Variants in TDP1 observed in about 807,000 individuals in gnomAD.
TDP1 encodes tyr-DNA phosphodiesterase 1.
TDP1 carries 64 observed loss-of-function variants against 81.5 expected under a neutral mutation model. The observed-to-expected ratio is 0.79, with a 90% confidence interval of 0.64 to 0.97. The LOEUF is 0.97. Among genes scored for constraint, TDP1 ranks in the 50% least tolerant of loss-of-function variants. The pLI is 0.00. For missense variants in TDP1, 723 were observed against 743.8 expected (o/e 0.97, Z 0.33); for synonymous variants, 256 against 264.3 (o/e 0.97, Z 0.30).
At chr14:89,999,287 A>G (rs1395486171) in intron 14 of TDP1, among the ~76,000 whole-genome samples, 1 of 152,198 alleles carries the variant, frequency 6.6e-6, no homozygotes, top group Non-Finnish European at 1.5e-5. Context: ...TAAATTCGTT[A>G]TGAACAACTG....
intron 12 of TDP1, among the ~76,000 whole-genome samples, chr14:89,990,182 G>A (rs971292473): frequency 3.3e-5 from 5 of 152,082 alleles, no homozygotes; most frequent in Non-Finnish European, 7.4e-5. Context: ...TTTAAGGTCC[G>A]GAATTTTTAA....
intron 2 of TDP1, among the ~76,000 whole-genome samples, chr14:89,961,068 A>T (rs1216916897): frequency 6.6e-6 from 1 of 152,214 alleles, no homozygotes; most frequent in Non-Finnish European, 1.5e-5. Context: ...CAAGTATAGT[A>T]TTCAACAGGT....
intron 16 of TDP1, among the ~76,000 whole-genome samples, chr14:90,041,933 T>C (rs1296760938): frequency 3.3e-5 from 5 of 152,202 alleles, no homozygotes; most frequent in African/African-American, 4.8e-5. Context: ...ATGTTCTCAT[T>C]TGTGCTCCAT....
At chr14:89,983,389 C>T in intron 8 of TDP1, 1 of 209,932 alleles carries the variant, frequency 4.8e-6, no homozygotes, top group Non-Finnish European at 9.8e-6. Context: ...TATGAAATGC[C>T]CCTTGCTAGA....
At chr14:90,019,902 G>A (rs1885764824) in intron 15 of TDP1, among the ~76,000 whole-genome samples, 1 of 152,156 alleles carries the variant, frequency 6.6e-6, no homozygotes, top group South Asian at 2.1e-4. Flanking sequence ...GGAATTGGTA[G>A]TAGCACAAAC....
chr14:89,956,189 G>C (rs2139873978), intron 1 of TDP1: 1 of 152,414 alleles, frequency 6.6e-6, no homozygotes, highest in East Asian at 1.9e-4. Context: ...CTCAGGGGGC[G>C]CGCACGGGCG....
chr14:89,969,120 C>G (rs1473493528), intron 5 of TDP1, among the ~76,000 whole-genome samples: 2 of 152,196 alleles, frequency 1.3e-5, no homozygotes. Context: ...ACCAATCCTG[C>G]CAGCACCTTG....
At chr14:89,978,465 A>G (rs141081513) in intron 7 of TDP1, among the ~76,000 whole-genome samples, 271 of 152,342 alleles carry the variant, frequency 1.8e-3, no homozygotes, top group Non-Finnish European at 3.2e-3. Context: ...CTTTGCAGGA[A>G]TAGCTGCGCA....
intron 16 of TDP1, 31 bp from the exon 17 acceptor site, chr14:90,043,039 A>G (rs772994823): frequency 6.2e-7 from 1 of 1,614,090 alleles, no homozygotes; most frequent in Non-Finnish European, 8.5e-7. Flanking sequence ...TCCTATTCAA[A>G]TAAATATTAC....
intron 16 of TDP1, among the ~76,000 whole-genome samples, chr14:90,042,178 A>G (rs994460079): frequency 6.6e-6 from 1 of 152,230 alleles, no homozygotes; most frequent in Non-Finnish European, 1.5e-5. Context: ...ACCCTTAACA[A>G]TAGAACAAAA....
In TDP1 at chr14:89,963,268, C is replaced by T; in HGVS notation, c.154C>T (p.Gln52Ter). ...GCCCAGGTACACCTGTTCCGAGGCC[C>T]AGAAAGCTGCACACAAGAGGAAAAT... ...NEPRYTCSEA[Q>*]KAAHKRKISP... Residue 52 changes from glutamine to a stop codon, truncating the protein, a stop_gained, in exon 3 of 17, where the codon CAG (glutamine) becomes TAG (stop). Transcript: ENST00000335725. LOFTEE classifies it high-confidence loss of function. 6.2e-7 allele frequency: 1 copy of T among 1,614,128 alleles called. No individual in the cohort carries two copies. Among genetic ancestry groups the T allele is most frequent in the African/African-American group, 1.3e-5 (1 of 75,008 alleles).
intron 5 of TDP1, chr14:89,970,778 C>T: frequency 1.0e-6 from 1 of 953,674 alleles, no homozygotes; most frequent in Non-Finnish European, 1.2e-6. Context: ...GATAAGGAAG[C>T]TAGCATTCCT....
At chr14:89,993,259 G>T (rs1179503286) in intron 13 of TDP1, 117 bp from the exon 14 acceptor site, 1 of 1,259,934 alleles carries the variant, frequency 7.9e-7, no homozygotes, top group Non-Finnish European at 1.1e-6. Context: ...TCACAGAGTC[G>T]TGTAGCCACT....
At chr14:89,991,014 T>C (rs2140127427) in intron 12 of TDP1, among the ~76,000 whole-genome samples, 1 of 152,362 alleles carries the variant, frequency 6.6e-6, no homozygotes, top group South Asian at 2.1e-4. Flanking sequence ...CTGAACGTTT[T>C]GTTTTTTAGC....
chr14:89,976,249 G>A (rs552546338), intron 7 of TDP1, among the ~76,000 whole-genome samples: 1 of 151,860 alleles, frequency 6.6e-6, no homozygotes, highest in African/African-American at 2.4e-5. Flanking sequence ...GGGACTACAG[G>A]CACACGCCAC....
chr14:89,964,179 A>G (rs776618142), intron 3 of TDP1, among the ~76,000 whole-genome samples: 2 of 152,130 alleles, frequency 1.3e-5, no homozygotes, highest in Admixed American at 1.3e-4. Context: ...CCACTGCTTA[A>G]AAGCCTGGTT....
chr14:90,006,582 G>A (rs1897711786), intron 14 of TDP1, among the ~76,000 whole-genome samples: 3 of 151,930 alleles, frequency 2.0e-5, no homozygotes, highest in Non-Finnish European at 2.9e-5. Flanking sequence ...TGTCACCCAG[G>A]CTGGAGTCCA....
chr14:90,003,067 A>G (rs940005485), intron 14 of TDP1, among the ~76,000 whole-genome samples: 2 of 151,982 alleles, frequency 1.3e-5, no homozygotes, highest in African/African-American at 2.4e-5. Flanking sequence ...CCTCCCGAGT[A>G]GCTGGGACTA....
chr14:90,026,630 C>T (rs1453108115), intron 15 of TDP1, among the ~76,000 whole-genome samples: 1 of 152,146 alleles, frequency 6.6e-6, no homozygotes, highest in Non-Finnish European at 1.5e-5. Context: ...CCACGACAGG[C>T]CCCGGTGTGT....
Sources: gnomAD v4.1 joint callset for allele counts (sites outside exome capture counted in the v4.1 genomes callset) on GRCh38, gnomAD v4.1.1 for gene constraint, MANE v1.5 for transcripts, NCBI Gene and HGNC (gene_info 2026-07-23, HGNC 2026-07-21) for gene names.